Variants in NRG3 observed in about 807,000 individuals in gnomAD.
The protein encoded by NRG3 is neuregulin 3.
Under a neutral mutation model 66.9 loss-of-function variants are expected in NRG3, and 31 were observed. The ratio of observed to expected loss-of-function variants is 0.46; its 90% CI spans 0.35 to 0.63. The LOEUF is 0.63. NRG3 is among the 20% of genes least tolerant of loss of function. The pLI, the probability that NRG3 is intolerant of heterozygous loss-of-function variation, is 0.00. For synonymous variants in NRG3, 393 were observed against 359.4 expected (o/e 1.09, Z -1.06); for missense variants, 910 against 878.9 (o/e 1.04, Z -0.45).
chr10:82,260,761 C>G (rs1184120590), intron 1 of NRG3, among the ~76,000 whole-genome samples: 1 of 152,122 alleles, frequency 6.6e-6, no homozygotes, highest in Non-Finnish European at 1.5e-5. Flanking sequence ...ATGACCCCCC[C>G]ATACAGGCAG....
At chr10:82,502,233 T>C (rs965170154) in intron 2 of NRG3, among the ~76,000 whole-genome samples, 4 of 152,210 alleles carry the variant, frequency 2.6e-5, no homozygotes, top group Non-Finnish European at 4.4e-5. Flanking sequence ...TGCCAGGTTC[T>C]GGAGTCCTGT....
chr10:82,297,509 G>A (rs777309544), intron 1 of NRG3, among the ~76,000 whole-genome samples: 1 of 152,000 alleles, frequency 6.6e-6, no homozygotes, highest in African/African-American at 2.4e-5. Context: ...GCTTTTGACT[G>A]GTTTCTCTGC....
intron 1 of NRG3, among the ~76,000 whole-genome samples, chr10:82,022,072 A>T (rs1210719016): frequency 6.6e-6 from 1 of 151,938 alleles, no homozygotes; most frequent in Non-Finnish European, 1.5e-5. Context: ...TGATTCATTT[A>T]CACATCTGTT....
At chr10:82,265,545 T>A (rs1287237404) in intron 1 of NRG3, among the ~76,000 whole-genome samples, 2 of 152,206 alleles carry the variant, frequency 1.3e-5, no homozygotes, top group African/African-American at 4.8e-5. Context: ...GAAATTGTTA[T>A]TTTTGGATGT....
chr10:82,665,222 G>A (rs1218018838), intron 2 of NRG3, among the ~76,000 whole-genome samples: 1 of 152,118 alleles, frequency 6.6e-6, no homozygotes, highest in Non-Finnish European at 1.5e-5. Flanking sequence ...TCTGAAAGTA[G>A]GTTTGATATC....
At chr10:82,968,019 T>A (rs1851366975) in intron 6 of NRG3, among the ~76,000 whole-genome samples, 3 of 152,254 alleles carry the variant, frequency 2.0e-5, no homozygotes, top group African/African-American at 7.2e-5. Context: ...TTATTCTCTG[T>A]ATTCACCTGT....
At chr10:82,306,475 G>T (rs1283013058) in intron 1 of NRG3, among the ~76,000 whole-genome samples, 10 of 151,568 alleles carry the variant, frequency 6.6e-5, no homozygotes, top group Admixed American at 5.3e-4. Flanking sequence ...AGGCCGAGGC[G>T]GGCGGATCAC....
chr10:82,593,831 C>A (rs951970956), intron 2 of NRG3, among the ~76,000 whole-genome samples: 6 of 151,370 alleles, frequency 4.0e-5, no homozygotes, highest in Non-Finnish European at 8.8e-5. Flanking sequence ...ATATATATTT[C>A]TTTAATATAT....
intron 2 of NRG3, among the ~76,000 whole-genome samples, chr10:82,409,533 G>A (rs2087888000): frequency 6.6e-6 from 1 of 152,142 alleles, no homozygotes; most frequent in African/African-American, 2.4e-5. Flanking sequence ...CTTTCATGAA[G>A]GACGTGGGAT....
intron 1 of NRG3, among the ~76,000 whole-genome samples, chr10:81,928,455 GA>G (rs1847024985): frequency 6.6e-6 from 1 of 152,130 alleles, no homozygotes; most frequent in African/African-American, 2.4e-5. Context: ...GAAGCCAAGA[GA>G]TATTAAAACA....
intron 1 of NRG3, among the ~76,000 whole-genome samples, chr10:82,216,482 G>A (rs557422745): frequency 1.4e-5 from 2 of 147,886 alleles, no homozygotes; most frequent in East Asian, 2.0e-4. Context: ...GTGTGTGTGT[G>A]TATGTGTCTC....
rs547402553 is a variant in NRG3 at position 82,201,368 on chromosome 10, G to T, written c.824-157371G>T. 7.2e-5 allele frequency among the ~76,000 whole-genome samples: 11 copies of T among 152,148 alleles called. No homozygotes were observed. The South Asian group carries it at 2.1e-3, about 29-fold the overall frequency. Reference sequence around the variant, plus strand: ...TGGTGTTCTAATACTGCTTGAGAATGGTTTTGATGTCTCATAAGGGGTTAC... The same window carrying T: ...TGGTGTTCTAATACTGCTTGAGAATTGTTTTGATGTCTCATAAGGGGTTAC... On this transcript the variant is annotated intron_variant, in intron 1 of 8. Coordinates refer to ENST00000372141, the MANE Select transcript of NRG3 (RefSeq NM_001010848.4).
intron 2 of NRG3, among the ~76,000 whole-genome samples, chr10:82,622,504 A>C (rs2133625242): frequency 6.6e-6 from 1 of 152,296 alleles, no homozygotes; most frequent in Middle Eastern, 3.4e-3. Context: ...ACACGCACAG[A>C]CGGCCTCTAA....
intron 1 of NRG3, among the ~76,000 whole-genome samples, chr10:81,916,121 TACTTAGAGCATGTCTC>T (rs1358991057): frequency 2.0e-5 from 3 of 152,216 alleles, no homozygotes; most frequent in Non-Finnish European, 2.9e-5. Flanking sequence ...GCGTACTTTT[TACTTAGAGCATGTCTC>T]AGTTCGGACT....
At position 82,122,550 on chromosome 10, in the gene NRG3, C is replaced by T. The variant is rs571090461; in HGVS notation, c.824-236189C>T. On this transcript the variant is annotated intron_variant, in intron 1 of 8. Coordinates refer to ENST00000372141, the MANE Select transcript of NRG3 (RefSeq NM_001010848.4). The stretch of plus-strand genomic sequence containing the variant: ...AATGAGAGTTGAATTCTTTCTCTCT[C>T]CTGCCTCAGATCCTCAGGTGACATT... 1.2e-3 allele frequency among the ~76,000 whole-genome samples: 181 copies of T among 152,262 alleles called. 1 individual carries two copies. Among genetic ancestry groups the T allele is most frequent in the Non-Finnish European group, 2.0e-3 (137 of 68,014 alleles).
At chr10:82,930,867 C>T (rs1392281487) in intron 4 of NRG3, among the ~76,000 whole-genome samples, 1 of 152,118 alleles carries the variant, frequency 6.6e-6, no homozygotes, top group Non-Finnish European at 1.5e-5. Flanking sequence ...AGAAAACTTC[C>T]TCTTCATGAA....
chr10:82,264,830 C>T (rs528470791), intron 1 of NRG3, among the ~76,000 whole-genome samples: 1 of 152,144 alleles, frequency 6.6e-6, no homozygotes, highest in East Asian at 1.9e-4. Context: ...CTGTTGGACA[C>T]TTAAGGAGAA....
At chr10:82,429,708 C>T (rs759687072) in intron 2 of NRG3, among the ~76,000 whole-genome samples, 6 of 151,716 alleles carry the variant, frequency 4.0e-5, no homozygotes, top group South Asian at 2.1e-4. Flanking sequence ...ATATTTTTTC[C>T]GCTATATTCT....
chr10:82,054,840 T>TACAAAAA (rs59233722), intron 1 of NRG3, among the ~76,000 whole-genome samples: 36,245 of 151,176 alleles, frequency 0.24, 4,444 homozygotes, highest in Middle Eastern at 0.33. Context: ...ACCCCAGATC[T>TACAAAAA]ATAAAAAAAA....
Sources: gnomAD v4.1 joint callset for allele counts (sites outside exome capture counted in the v4.1 genomes callset) on GRCh38, gnomAD v4.1.1 for gene constraint, MANE v1.5 for transcripts, NCBI Gene and HGNC (gene_info 2026-07-23, HGNC 2026-07-21) for gene names.